EPHA5: variants seen among roughly 807,000 people sequenced by gnomAD.
EPHA5 encodes the protein ephrin type-A receptor 5.
A neutral mutation model predicts 105.0 loss-of-function variants in EPHA5; 60 were observed. The ratio of observed to expected loss-of-function variants is 0.57; its 90% CI spans 0.46 to 0.71. EPHA5 has a LOEUF of 0.71. EPHA5 is among the 30% of genes least tolerant of loss of function. The pLI, the probability that EPHA5 is intolerant of heterozygous loss-of-function variation, is 0.00. For synonymous variants in EPHA5, 513 were observed against 449.1 expected (o/e 1.14, Z -1.80); for missense variants, 1,218 against 1,274.7 (o/e 0.96, Z 0.68).
intron 14 of EPHA5, among the ~76,000 whole-genome samples, chr4:65,345,256 G>T (rs1469537468): frequency 6.6e-6 from 1 of 152,158 alleles, no homozygotes; most frequent in African/African-American, 2.4e-5. Context: ...AGGGCATAAA[G>T]AAAACCAATT....
intron 5 of EPHA5, among the ~76,000 whole-genome samples, chr4:65,440,830 C>T (rs1182711310): frequency 6.6e-6 from 1 of 151,962 alleles, no homozygotes; most frequent in Non-Finnish European, 1.5e-5. Flanking sequence ...TGGCCCATCT[C>T]CCTATGGGTG....
chr4:65,488,100 T>C (rs1464155584), intron 5 of EPHA5, among the ~76,000 whole-genome samples: 6 of 152,178 alleles, frequency 3.9e-5, no homozygotes, highest in Non-Finnish European at 1.5e-5. Context: ...AAAAATTTGT[T>C]TTACAAGACA....
At chr4:65,395,632 A>C (rs1721148701) in intron 8 of EPHA5, among the ~76,000 whole-genome samples, 1 of 152,222 alleles carries the variant, frequency 6.6e-6, no homozygotes, top group Admixed American at 6.5e-5. Flanking sequence ...GAGACATTTC[A>C]AATGGATTGA....
At chr4:65,355,020 C>T (rs1723167508) in intron 11 of EPHA5, among the ~76,000 whole-genome samples, 1 of 151,602 alleles carries the variant, frequency 6.6e-6, no homozygotes, top group African/African-American at 2.4e-5. Context: ...TTTGTAGATG[C>T]CTATGTTAGG....
At chr4:65,531,329 G>A (rs558649335) in intron 3 of EPHA5, among the ~76,000 whole-genome samples, 1 of 152,118 alleles carries the variant, frequency 6.6e-6, no homozygotes, top group South Asian at 2.1e-4. Flanking sequence ...GAGCCACCGC[G>A]CCCGGCCTTT....
chr4:65,486,034 AAAGAG>A (rs1730848766), intron 5 of EPHA5, among the ~76,000 whole-genome samples: 1 of 152,176 alleles, frequency 6.6e-6, no homozygotes, highest in Non-Finnish European at 1.5e-5. Context: ...CCAGAAAAGA[AAAGAG>A]AAGAGACTAA....
chr4:65,626,398 C>T (rs943409237), intron 2 of EPHA5, among the ~76,000 whole-genome samples: 1 of 152,058 alleles, frequency 6.6e-6, no homozygotes, highest in Admixed American at 6.6e-5. Flanking sequence ...TTGCTAATAG[C>T]TATTTTCATT....
chr4:65,549,285 T>G (rs1230379580), intron 3 of EPHA5, among the ~76,000 whole-genome samples: 5 of 152,060 alleles, frequency 3.3e-5, no homozygotes, highest in Non-Finnish European at 5.9e-5. Flanking sequence ...ATCCTTAAGA[T>G]TCAAACAAAT....
At chr4:65,601,537 A>G (rs974666084) in intron 3 of EPHA5, 104 bp downstream of exon 3, 1 of 1,154,250 alleles carries the variant, frequency 8.7e-7, no homozygotes, top group African/African-American at 1.5e-5. Context: ...ATCTCCATAA[A>G]TTAGCAAAGT....
chr4:65,604,315 T>C (rs1240807496), intron 2 of EPHA5, among the ~76,000 whole-genome samples: 1 of 152,188 alleles, frequency 6.6e-6, no homozygotes, highest in Non-Finnish European at 1.5e-5. Context: ...TAGTTACTGC[T>C]TCAGGTGATA....
At chr4:65,536,071 T>G (rs1736252535) in intron 3 of EPHA5, among the ~76,000 whole-genome samples, 1 of 152,064 alleles carries the variant, frequency 6.6e-6, no homozygotes, top group Non-Finnish European at 1.5e-5. Context: ...AATATTACCT[T>G]CATGTTTTTA....
chr4:65,331,779 A>G (rs1720642145), intron 16 of EPHA5, 194 bp downstream of exon 16: 1 of 1,245,880 alleles, frequency 8.0e-7, no homozygotes. Flanking sequence ...TGAAGCAAAG[A>G]AGCAAAGATA....
At chr4:65,339,068 G>T (rs1408706648) in intron 14 of EPHA5, among the ~76,000 whole-genome samples, 1 of 152,108 alleles carries the variant, frequency 6.6e-6, no homozygotes, top group Non-Finnish European at 1.5e-5. Flanking sequence ...AGTATAATAT[G>T]CTATGCATTT....
chr4:65,354,405 G>C (rs1379005005), intron 11 of EPHA5, among the ~76,000 whole-genome samples: 3 of 151,524 alleles, frequency 2.0e-5, no homozygotes, highest in African/African-American at 7.3e-5. Context: ...ACAGTTGCTA[G>C]TTTTATCATT....
intron 3 of EPHA5, among the ~76,000 whole-genome samples, chr4:65,588,950 T>G (rs1742377377): frequency 6.6e-6 from 1 of 152,170 alleles, no homozygotes; most frequent in Non-Finnish European, 1.5e-5. Context: ...GGATTATCTC[T>G]CATTGAAATT....
chr4:65,581,983 C>T (rs1036596403), intron 3 of EPHA5, among the ~76,000 whole-genome samples: 1 of 151,690 alleles, frequency 6.6e-6, no homozygotes, highest in Non-Finnish European at 1.5e-5. Context: ...TGTGTGTGAG[C>T]ACCTTTCAAC....
intron 2 of EPHA5, among the ~76,000 whole-genome samples, chr4:65,630,067 A>AAT (rs1560794949): frequency 7.5e-6 from 1 of 133,408 alleles, no homozygotes; most frequent in African/African-American, 2.6e-5. Context: ...ACACACACAC[A>AAT]CTCTCTCTCT....
chr4:65,540,556 G>C (rs542131852), intron 3 of EPHA5, among the ~76,000 whole-genome samples: 1 of 151,392 alleles, frequency 6.6e-6, no homozygotes, highest in Non-Finnish European at 1.5e-5. Flanking sequence ...ATGAAAGAGA[G>C]AAGCATTTTA....
intron 3 of EPHA5, among the ~76,000 whole-genome samples, chr4:65,509,687 C>G (rs1268195753): frequency 6.6e-6 from 1 of 152,112 alleles, no homozygotes; most frequent in Non-Finnish European, 1.5e-5. Flanking sequence ...GACCCTATGA[C>G]AAAGCAGTAA....
Sources: allele counts gnomAD v4.1 joint callset (sites outside exome capture counted in the v4.1 genomes callset), GRCh38; gene constraint gnomAD v4.1.1; transcripts MANE v1.5; gene names NCBI Gene and HGNC (gene_info 2026-07-23, HGNC 2026-07-21).